Variants in KALRN observed in about 807,000 individuals in gnomAD.
KALRN encodes kalirin RhoGEF kinase.
Under a neutral mutation model 353.7 loss-of-function variants are expected in KALRN, and 70 were observed. That is an observed-to-expected ratio of 0.20 (90% CI 0.16 to 0.24). The LOEUF is 0.24. Among genes scored for constraint, KALRN ranks in the 10% least tolerant of loss-of-function variants. The pLI, the probability that KALRN is intolerant of heterozygous loss-of-function variation, is 1.00. For synonymous variants in KALRN, 1,391 were observed against 1,434.8 expected (o/e 0.97, Z 0.69); for missense variants, 2,791 against 3,756.7 (o/e 0.74, Z 6.72).
At chr3:124,255,962 G>A (rs1022405588) in intron 3 of KALRN, among the ~76,000 whole-genome samples, 2 of 152,196 alleles carry the variant, frequency 1.3e-5, no homozygotes, top group South Asian at 2.1e-4. Flanking sequence ...TAGCGAGGAG[G>A]AGATTGCTCT....
At chr3:124,396,583 A>G (rs772524963) in intron 12 of KALRN, among the ~76,000 whole-genome samples, 13 of 152,134 alleles carry the variant, frequency 8.5e-5, no homozygotes, top group Non-Finnish European at 1.9e-4. Flanking sequence ...TAAGGGGTTC[A>G]CTCTAGGAGC....
chr3:124,166,984 G>T (rs2070965671), intron 1 of KALRN, among the ~76,000 whole-genome samples: 1 of 152,170 alleles, frequency 6.6e-6, no homozygotes, highest in Non-Finnish European at 1.5e-5. Flanking sequence ...GGCAGAGGTT[G>T]CAGTGAGCCA....
chr3:124,483,450 G>A (rs774383557), intron 28 of KALRN, among the ~76,000 whole-genome samples: 48 of 152,300 alleles, frequency 3.2e-4, no homozygotes, highest in South Asian at 1.2e-3. Flanking sequence ...TACTCGGGAG[G>A]CTGAGGCAAG....
At position 124,701,200 on chromosome 3, in the gene KALRN, G is replaced by A. The variant is rs180758209; in HGVS notation, c.7997-838G>A. Reference sequence around the variant, plus strand: ...GTATTGCTGTGCTTGCTCTGTGTGCGTGTGTGTGTGCACGCGTGCGTGAAT... The same window carrying A: ...GTATTGCTGTGCTTGCTCTGTGTGCATGTGTGTGTGCACGCGTGCGTGAAT... On this transcript the variant is annotated intron_variant, in intron 56 of 59. Coordinates refer to ENST00000682506, the MANE Select transcript of KALRN (RefSeq NM_001388419.1). Among the ~76,000 whole-genome samples the A allele has an allele frequency of 1.6e-4, 24 of 152,208 alleles. No homozygotes were observed. In the East Asian group the frequency reaches 4.2e-3, roughly 27 times the overall value.
intron 12 of KALRN, chr3:124,395,637 A>G (rs1347643091): frequency 5.2e-6 from 2 of 383,688 alleles, no homozygotes; most frequent in African/African-American, 4.1e-5. Context: ...AACAAAAGTA[A>G]AAAATAATTA....
At chr3:124,586,359 A>T (rs2075182466) in intron 34 of KALRN, among the ~76,000 whole-genome samples, 1 of 152,208 alleles carries the variant, frequency 6.6e-6, no homozygotes, top group Non-Finnish European at 1.5e-5. Context: ...GTTTCCTGTC[A>T]GACAGAATGT....
rs539258992 is a variant in KALRN, at chr3:124,544,234, A to G, written c.4936-18609A>G. 8.0e-4 allele frequency among the ~76,000 whole-genome samples: 122 copies of G among 152,314 alleles called. 1 individual carries two copies. The highest frequency in any genetic ancestry group is 2.8e-3 in the African/African-American group (118 of 41,572). ...ATACATGCACACTGGCACTTTTCATATCCTTTCCTTGCTTTATTTTTCCCT... is the reference window on the plus strand; with the variant it reads ...ATACATGCACACTGGCACTTTTCATGTCCTTTCCTTGCTTTATTTTTCCCT... On this transcript the variant is annotated intron_variant, in intron 33 of 59. Coordinates refer to ENST00000682506, the MANE Select transcript of KALRN (RefSeq NM_001388419.1).
chr3:124,259,847 G>T (rs1252561196), intron 3 of KALRN, among the ~76,000 whole-genome samples: 1 of 152,170 alleles, frequency 6.6e-6, no homozygotes, highest in Non-Finnish European at 1.5e-5. Flanking sequence ...ACAGTTACAG[G>T]TTTAAATAGG....
At position 124,462,649 on chromosome 3, in the gene KALRN, G is replaced by A; in HGVS notation, c.4031+16G>A. ...TCCATAACAAGTAGGTTTGTGGAGGGTCTCAGAGGTGCACACTTAGGCCGT... is the reference window on the plus strand; with the variant it reads ...TCCATAACAAGTAGGTTTGTGGAGGATCTCAGAGGTGCACACTTAGGCCGT... On this transcript the variant is annotated intron_variant, in intron 25 of 59. Transcript: ENST00000682506. 2.1e-6 allele frequency: 3 copies of A among 1,441,446 alleles called. No individual in the cohort carries two copies. The highest frequency in any genetic ancestry group is 2.9e-6 in the Non-Finnish European group (3 of 1,023,340). The allele number at this position is 1,441,446 out of a possible 1,614,324, so 89.3% of individuals were successfully genotyped here. A position where few individuals can be genotyped will look rare whatever the true frequency, so the allele number is the denominator to read the frequency against.
chr3:124,100,133 C>T lies in KALRN; in HGVS notation c.73+66320C>T, dbSNP rs150266886. Among the ~76,000 whole-genome samples the T allele has an allele frequency of 6.7e-3, 1,025 of 152,174 alleles. 9 individuals are homozygous for T. Among genetic ancestry groups the T allele is most frequent in the African/African-American group, 0.023 (957 of 41,528 alleles). On this transcript the variant is annotated intron_variant, in intron 1 of 59. Coordinates refer to ENST00000682506, the MANE Select transcript of KALRN (RefSeq NM_001388419.1). The stretch of plus-strand genomic sequence containing the variant: ...GAGCCAAGATTGTGCCACTGCACTC[C>T]AGCCTGGGCGATATAACGAGACTCA...
At chr3:124,409,255 G>C (rs2091914656) in intron 13 of KALRN, among the ~76,000 whole-genome samples, 1 of 152,204 alleles carries the variant, frequency 6.6e-6, no homozygotes, top group African/African-American at 2.4e-5. Flanking sequence ...TGCCCTCTGG[G>C]AACCTTGTGT....
intron 34 of KALRN, among the ~76,000 whole-genome samples, chr3:124,618,130 A>G (rs1200918708): frequency 1.3e-5 from 1 of 78,062 alleles, no homozygotes; most frequent in Admixed American, 2.1e-4. Flanking sequence ...TTTTTTTGAG[A>G]TGGAGTCTCG....
intron 33 of KALRN, among the ~76,000 whole-genome samples, chr3:124,536,163 G>T (rs376315581): frequency 1.3e-5 from 2 of 151,732 alleles, no homozygotes; most frequent in South Asian, 2.1e-4. Flanking sequence ...GATGGACTCT[G>T]GGAGGCACTT....
intron 57 of KALRN, among the ~76,000 whole-genome samples, chr3:124,707,465 CCTTCCTTCCCTT>C (rs1282239916): frequency 2.0e-5 from 3 of 151,136 alleles, no homozygotes; most frequent in East Asian, 1.9e-4. Context: ...TTCCTTCCCT[CCTTCCTTCCCTT>C]CTTCCTTCCT....
At chr3:124,252,199 A>T (rs750471303) in intron 3 of KALRN, among the ~76,000 whole-genome samples, 19 of 152,170 alleles carry the variant, frequency 1.2e-4, no homozygotes, top group African/African-American at 4.6e-4. Flanking sequence ...ACCAGGGGGA[A>T]CTTTTAAAAA....
chr3:124,569,931 C>G (rs1342420784), intron 34 of KALRN, among the ~76,000 whole-genome samples: 1 of 152,190 alleles, frequency 6.6e-6, no homozygotes, highest in Non-Finnish European at 1.5e-5. Context: ...CCAAGGAGCA[C>G]TCTGGACAGC....
chr3:124,717,527 A>T, intron 59 of KALRN, 142 bp downstream of exon 59: 2 of 477,468 alleles, frequency 4.2e-6, no homozygotes. Flanking sequence ...TCTACTAAAA[A>T]TACAAAAAAT....
At chr3:124,621,331 T>C (rs2079246187) in intron 34 of KALRN, among the ~76,000 whole-genome samples, 1 of 152,242 alleles carries the variant, frequency 6.6e-6, no homozygotes, top group African/African-American at 2.4e-5. Context: ...AGGATTCAGT[T>C]GTACAGAATT....
intron 10 of KALRN, among the ~76,000 whole-genome samples, chr3:124,372,862 T>A (rs951640638): frequency 2.6e-5 from 4 of 152,008 alleles, no homozygotes; most frequent in Non-Finnish European, 4.4e-5. Flanking sequence ...ATTTCTCTCA[T>A]GTTGGAATTT....
Sources: allele counts gnomAD v4.1 joint callset (sites outside exome capture counted in the v4.1 genomes callset), GRCh38; gene constraint gnomAD v4.1.1; transcripts MANE v1.5; gene names NCBI Gene and HGNC (gene_info 2026-07-23, HGNC 2026-07-21).